The following SPAG16 variants were observed in gnomAD, a reference collection of about 807,000 sequenced individuals.
The protein encoded by SPAG16 is sperm-associated antigen 16 protein.
In SPAG16, 86 loss-of-function variants were observed where a neutral mutation model predicts 80.4. The ratio of observed to expected loss-of-function variants is 1.07; its 90% CI spans 0.90 to 1.28. SPAG16 has a LOEUF of 1.28. SPAG16 is among the 50% of genes most tolerant of loss of function. SPAG16 has a pLI of 0.00. For missense variants in SPAG16, 870 were observed against 765.3 expected, an observed-to-expected ratio of 1.14 and a Z score of -1.61; for synonymous variants, 294 against 265.9, an observed-to-expected ratio of 1.11 and a Z score of -1.03.
At chr2:213,576,522 G>C (rs554861458) in intron 10 of SPAG16, among the ~76,000 whole-genome samples, 1 of 152,190 alleles carries the variant, frequency 6.6e-6, no homozygotes, top group South Asian at 2.1e-4. Context: ...TTGTATGCAC[G>C]CATATGTTCA....
intron 15 of SPAG16, among the ~76,000 whole-genome samples, chr2:214,351,816 C>T (rs1034516843): frequency 3.6e-5 from 5 of 140,490 alleles, no homozygotes; most frequent in Non-Finnish European, 6.3e-5. Context: ...CTACAATGAA[C>T]GTATATTCTA....
At chr2:214,353,966 T>G (rs563007945) in intron 15 of SPAG16, among the ~76,000 whole-genome samples, 1 of 152,158 alleles carries the variant, frequency 6.6e-6, no homozygotes, top group South Asian at 2.1e-4. Context: ...CTCTTCCCAT[T>G]CATGCTCCTC....
intron 11 of SPAG16, among the ~76,000 whole-genome samples, chr2:213,913,190 C>T: frequency 6.6e-6 from 1 of 151,984 alleles, no homozygotes; most frequent in East Asian, 1.9e-4. Context: ...TACATTTTAT[C>T]CACATTGTTA....
chr2:213,410,377 T>A (rs776417870), intron 9 of SPAG16, among the ~76,000 whole-genome samples: 1 of 152,228 alleles, frequency 6.6e-6, no homozygotes, highest in Non-Finnish European at 1.5e-5. Context: ...AAAGTACCTG[T>A]GTCCCTCCTG....
At chr2:214,347,591 G>A (rs1297506051) in intron 15 of SPAG16, among the ~76,000 whole-genome samples, 2 of 152,056 alleles carry the variant, frequency 1.3e-5, no homozygotes, top group Non-Finnish European at 2.9e-5. Context: ...AATGTTAAGG[G>A]CATTATTTAA....
At chr2:213,743,039 G>A (rs1344053152) in intron 10 of SPAG16, among the ~76,000 whole-genome samples, 1 of 151,986 alleles carries the variant, frequency 6.6e-6, no homozygotes, top group African/African-American at 2.4e-5. Flanking sequence ...GAGTAGCTGG[G>A]ACTACAGGCG....
chr2:213,976,135 T>TATATATATATATAAACACACAC, intron 12 of SPAG16, among the ~76,000 whole-genome samples: 1 of 81,406 alleles, frequency 1.2e-5, no homozygotes, highest in African/African-American at 3.8e-5. Flanking sequence ...TATATATATA[T>TATATATATATATAAACACACAC]ACACACACAC....
chr2:213,901,539 A>G (rs1175538574), intron 11 of SPAG16, among the ~76,000 whole-genome samples: 1 of 152,112 alleles, frequency 6.6e-6, no homozygotes, highest in African/African-American at 2.4e-5. Context: ...AAGTAATTCT[A>G]TGCTGGTGAA....
At chr2:213,710,352 T>G (rs115318682) in intron 10 of SPAG16, among the ~76,000 whole-genome samples, 95 of 152,164 alleles carry the variant, frequency 6.2e-4, no homozygotes, top group Middle Eastern at 3.4e-3. Flanking sequence ...TTACATGTAA[T>G]TCATAAACAA....
At chr2:213,352,337 C>G (rs2065379947) in intron 7 of SPAG16, among the ~76,000 whole-genome samples, 1 of 152,036 alleles carries the variant, frequency 6.6e-6, no homozygotes, top group Non-Finnish European at 1.5e-5. Context: ...TTCTTTTCAT[C>G]TAATCTGTCT....
chr2:213,495,531 T>A (rs896717652), intron 10 of SPAG16, among the ~76,000 whole-genome samples: 2 of 152,238 alleles, frequency 1.3e-5, no homozygotes, highest in Admixed American at 1.3e-4. Flanking sequence ...GGCACTACTC[T>A]GGGCAGTTAA....
chr2:213,286,560 G>A (rs1394977983), intron 1 of SPAG16, among the ~76,000 whole-genome samples: 1 of 152,172 alleles, frequency 6.6e-6, no homozygotes, highest in Non-Finnish European at 1.5e-5. Context: ...TTGGTTTAAA[G>A]TCTTTGCTTT....
rs886079421 is a variant in SPAG16 at position 214,007,632 on chromosome 2, T to G, written c.1401-6319T>G. ...TCTCGTTATTGAAGGAATTCTGGGC[T>G]GAATATTGAATTTTCAGCCCTCAAA... is the stretch of plus-strand genomic sequence containing the variant. On this transcript the variant is annotated intron_variant, in intron 12 of 15. Transcript: ENST00000331683. 3.3e-5 allele frequency among the ~76,000 whole-genome samples: 5 copies of G among 152,146 alleles called. No individual in the cohort carries two copies. The East Asian group carries it at 9.6e-4, about 29-fold the overall frequency.
intron 9 of SPAG16, among the ~76,000 whole-genome samples, chr2:213,415,816 G>A (rs970108024): frequency 1.3e-5 from 2 of 152,178 alleles, no homozygotes; most frequent in South Asian, 4.1e-4. Flanking sequence ...TGGAGTTTAG[G>A]AGAAACTTGG....
chr2:213,343,675 C>G (rs1208920192), intron 6 of SPAG16, among the ~76,000 whole-genome samples: 19 of 151,404 alleles, frequency 1.3e-4, no homozygotes. Context: ...AATTTGAGAA[C>G]TGAAAAAAAC....
intron 12 of SPAG16, 144 bp from the exon 13 acceptor site, chr2:214,013,807 A>T: frequency 2.8e-6 from 2 of 709,862 alleles, no homozygotes; most frequent in Non-Finnish European, 4.5e-6. Flanking sequence ...TAGCTATAGA[A>T]TTTTACTTTT....
intron 10 of SPAG16, among the ~76,000 whole-genome samples, chr2:213,500,636 A>G (rs143992863): frequency 1.4e-3 from 214 of 152,360 alleles, no homozygotes; most frequent in Middle Eastern, 0.014. Context: ...TACAACCTAG[A>G]GATCCAATTA....
intron 4 of SPAG16, among the ~76,000 whole-genome samples, chr2:213,312,598 T>A (rs1173224136): frequency 1.3e-5 from 2 of 151,738 alleles, no homozygotes; most frequent in Non-Finnish European, 3.0e-5. Flanking sequence ...TTCACCTTTT[T>A]ACTTCGTATT....
At chr2:213,821,076 T>C (rs2072905035) in intron 10 of SPAG16, among the ~76,000 whole-genome samples, 1 of 152,132 alleles carries the variant, frequency 6.6e-6, no homozygotes, top group Admixed American at 6.6e-5. Context: ...AATTTTGTTC[T>C]GCCGGCTATT....
Sources: allele counts gnomAD v4.1 joint callset (sites outside exome capture counted in the v4.1 genomes callset), GRCh38; gene constraint gnomAD v4.1.1; transcripts MANE v1.5; gene names NCBI Gene and HGNC (gene_info 2026-07-23, HGNC 2026-07-21).